The following SPON1 variants were observed in gnomAD, a reference collection of about 807,000 sequenced individuals.
SPON1 encodes the protein spondin-1.
In SPON1, 52 loss-of-function variants were observed where a neutral mutation model predicts 111.7. That is an observed-to-expected ratio of 0.47 (90% CI 0.37 to 0.59). The LOEUF (loss-of-function observed/expected upper bound fraction) is 0.59, where lower values mean the gene tolerates loss of function less well. Among genes scored for constraint, SPON1 ranks in the 20% least tolerant of loss-of-function variants. SPON1 has a pLI of 0.00. For missense variants in SPON1, 957 were observed against 1,068.5 expected (o/e 0.90, Z 1.46); for synonymous variants, 410 against 395.8 (o/e 1.04, Z -0.43).
intron 6 of SPON1, among the ~76,000 whole-genome samples, chr11:14,237,042 A>G (rs1225007215): frequency 6.6e-6 from 1 of 152,158 alleles, no homozygotes; most frequent in Non-Finnish European, 1.5e-5. Context: ...ATGACCTGAG[A>G]AGCCCAGAGG....
At chr11:14,214,874 T>C (rs1315494184) in intron 6 of SPON1, among the ~76,000 whole-genome samples, 1 of 152,164 alleles carries the variant, frequency 6.6e-6, no homozygotes, top group African/African-American at 2.4e-5. Flanking sequence ...TTAGAATACT[T>C]AGAGGCCATG....
chr11:14,252,990 G>T (rs1429157234), intron 7 of SPON1, among the ~76,000 whole-genome samples: 1 of 152,228 alleles, frequency 6.6e-6, no homozygotes, highest in Non-Finnish European at 1.5e-5. Flanking sequence ...TCACTGAAGA[G>T]CTTGCCCAAT....
intron 1 of SPON1, among the ~76,000 whole-genome samples, chr11:13,974,816 C>G (rs1346517412): frequency 1.3e-5 from 2 of 152,198 alleles, no homozygotes; most frequent in Non-Finnish European, 2.9e-5. Flanking sequence ...CACTTCTTAT[C>G]AAGGCATTGA....
intron 6 of SPON1, among the ~76,000 whole-genome samples, chr11:14,229,365 G>A (rs1418090606): frequency 6.6e-6 from 1 of 152,192 alleles, no homozygotes; most frequent in Non-Finnish European, 1.5e-5. Context: ...AAGGGCAGGA[G>A]CATTCCAGAC....
chr11:14,199,080 G>C (rs1848433324), intron 6 of SPON1, among the ~76,000 whole-genome samples: 1 of 152,060 alleles, frequency 6.6e-6, no homozygotes, highest in Non-Finnish European at 1.5e-5. Flanking sequence ...AGTCCCTTTG[G>C]TACAGAGTTA....
At chr11:14,149,280 G>A (rs1847760472) in intron 6 of SPON1, among the ~76,000 whole-genome samples, 1 of 151,966 alleles carries the variant, frequency 6.6e-6, no homozygotes, top group Non-Finnish European at 1.5e-5. Flanking sequence ...AAATGTGTGT[G>A]TTTACATCTT....
intron 6 of SPON1, among the ~76,000 whole-genome samples, chr11:14,202,559 G>A (rs186601133): frequency 1.3e-5 from 2 of 152,266 alleles, no homozygotes; most frequent in African/African-American, 4.8e-5. Flanking sequence ...CTCCACCAAA[G>A]TCAGTCTCCA....
At chr11:14,129,114 G>C (rs1413697818) in intron 5 of SPON1, among the ~76,000 whole-genome samples, 2 of 152,126 alleles carry the variant, frequency 1.3e-5, no homozygotes, top group Admixed American at 6.5e-5. Context: ...CCATTGTCTT[G>C]ACTATTAACA....
In SPON1 at chr11:13,962,982, G is replaced by A; in HGVS notation, c.78G>A (p.Ala26=). 2 of 1,594,950 alleles carry A rather than the reference G, an allele frequency of 1.3e-6. No individual in the cohort carries two copies. The highest frequency in any genetic ancestry group is 1.7e-6 in the Non-Finnish European group (2 of 1,172,294). The change falls in exon 1 of 16, where the codon GCG becomes GCA. Residue 26 remains alanine, a synonymous_variant. Transcript: ENST00000576479. ...LLALALPLAA[A]LAFSDETLDK... Reference sequence around the variant, plus strand: ...CCCTGGCGCTGCCCCTGGCCGCGGCGCTGGCCTTCTCCGACGAGACCCTGG... The same window carrying A: ...CCCTGGCGCTGCCCCTGGCCGCGGCACTGGCCTTCTCCGACGAGACCCTGG...
At chr11:13,967,202 T>C (rs1285420753) in intron 1 of SPON1, among the ~76,000 whole-genome samples, 10 of 152,226 alleles carry the variant, frequency 6.6e-5, no homozygotes, top group African/African-American at 2.4e-4. Context: ...ACCAGTCTTA[T>C]GTGCTGACTC....
At chr11:13,964,118 C>G (rs1403876264) in intron 1 of SPON1, among the ~76,000 whole-genome samples, 1 of 152,224 alleles carries the variant, frequency 6.6e-6, no homozygotes, top group Non-Finnish European at 1.5e-5. Flanking sequence ...CGCCCGCCAC[C>G]TCGCTCCTCA....
Position 14,266,588 on chromosome 11 carries a change from G to C in SPON1, c.*901G>C, listed in dbSNP as rs560641710. 2 of 152,010 alleles carry C rather than the reference G, an allele frequency of 1.3e-5. No homozygotes were observed. Among genetic ancestry groups the C allele is most frequent in the Non-Finnish European group, 2.9e-5 (2 of 68,010 alleles). 9.4% of individuals were successfully genotyped at this position (152,010 alleles called of 1,614,324 possible). On this transcript the variant is annotated 3_prime_UTR_variant, in exon 16 of 16. Coordinates refer to ENST00000576479, the MANE Select transcript of SPON1 (RefSeq NM_006108.4). ...TTCCTACACACATCTAGACGTTCAA[G>C]TTTGCAAATCAGTTTTTAGCAAGAA... is the stretch of plus-strand genomic sequence containing the variant.
intron 6 of SPON1, among the ~76,000 whole-genome samples, chr11:14,193,898 C>T (rs1368170976): frequency 6.6e-6 from 1 of 152,220 alleles, no homozygotes; most frequent in Non-Finnish European, 1.5e-5. Context: ...CCACTCATGG[C>T]TTTCAGAGTA....
intron 6 of SPON1, among the ~76,000 whole-genome samples, chr11:14,241,987 C>G (rs1208217098): frequency 6.6e-6 from 1 of 152,078 alleles, no homozygotes; most frequent in African/African-American, 2.4e-5. Context: ...CGCCGCTGCC[C>G]TGTCCTTGTG....
At chr11:14,120,337 C>A (rs1849295903) in intron 5 of SPON1, among the ~76,000 whole-genome samples, 1 of 152,150 alleles carries the variant, frequency 6.6e-6, no homozygotes, top group African/African-American at 2.4e-5. Flanking sequence ...CTCTGGGCTT[C>A]TAAATTATCT....
At chr11:13,996,678 GTTATATA>G (rs1251898813) in intron 2 of SPON1, among the ~76,000 whole-genome samples, 3 of 150,914 alleles carry the variant, frequency 2.0e-5, no homozygotes, top group Admixed American at 6.6e-5. Flanking sequence ...TTCCTTCCAG[GTTATATA>G]TTATATAGAA....
chr11:14,170,860 G>A (rs1216408726), intron 6 of SPON1, among the ~76,000 whole-genome samples: 1 of 152,150 alleles, frequency 6.6e-6, no homozygotes, highest in African/African-American at 2.4e-5. Flanking sequence ...GATCATGGTG[G>A]ATAAGCTTTT....
In SPON1 at chr11:14,159,464, T is replaced by G. The variant is rs565146801; in HGVS notation, c.825+23896T>G. Among the ~76,000 whole-genome samples the G allele has an allele frequency of 5.6e-4, 86 of 152,218 alleles. No homozygotes were observed. In the South Asian group the frequency reaches 0.017, roughly 30 times the overall value. On this transcript the variant is annotated intron_variant, in intron 6 of 15. Coordinates refer to ENST00000576479, the MANE Select transcript of SPON1 (RefSeq NM_006108.4). ...AAATTAGTACAAGAACTATGGAGAA[T>G]AATAGTTTGGAGGTTCCTTAAAAAA...
intron 3 of SPON1, among the ~76,000 whole-genome samples, chr11:14,065,494 C>G (rs1054860225): frequency 1.3e-5 from 2 of 152,200 alleles, no homozygotes; most frequent in Non-Finnish European, 2.9e-5. Context: ...CCAAGAGCAA[C>G]ACTTCACTTT....
Sources: allele counts gnomAD v4.1 joint callset (sites outside exome capture counted in the v4.1 genomes callset), GRCh38; gene constraint gnomAD v4.1.1; transcripts MANE v1.5; gene names NCBI Gene and HGNC (gene_info 2026-07-23, HGNC 2026-07-21).